The following SNX3 variants were observed in gnomAD, a reference collection of about 807,000 sequenced individuals.
The protein encoded by SNX3 is sorting nexin-3.
A neutral mutation model predicts 17.7 loss-of-function variants in SNX3; 5 were observed. The ratio of observed to expected loss-of-function variants is 0.28; its 90% CI spans 0.15 to 0.59. The LOEUF (loss-of-function observed/expected upper bound fraction) is 0.59. Among genes scored for constraint, SNX3 ranks in the 20% least tolerant of loss-of-function variants. SNX3 has a pLI of 0.88. For synonymous variants in SNX3, 91 were observed against 76.5 expected (o/e 1.19, Z -0.99); for missense variants, 132 against 206.8 (o/e 0.64, Z 2.22).
intron 1 of SNX3, among the ~76,000 whole-genome samples, chr6:108,249,417 T>C (rs927919686): frequency 4.6e-5 from 7 of 152,020 alleles, no homozygotes; most frequent in African/African-American, 1.7e-4. Flanking sequence ...CGAGACTCTG[T>C]CTCAAAAAAA....
chr6:108,218,507 T>G (rs1383499636), intron 2 of SNX3, among the ~76,000 whole-genome samples: 1 of 152,182 alleles, frequency 6.6e-6, no homozygotes, highest in Non-Finnish European at 1.5e-5. Context: ...GACCCAGCAA[T>G]GTACTGGTAG....
intron 1 of SNX3, among the ~76,000 whole-genome samples, chr6:108,224,548 G>C (rs1774919036): frequency 1.3e-5 from 2 of 152,162 alleles, no homozygotes; most frequent in South Asian, 4.1e-4. Flanking sequence ...CCAAAGTGCT[G>C]GGATTACAGG....
At chr6:108,224,370 G>A (rs1408241534) in intron 1 of SNX3, among the ~76,000 whole-genome samples, 5 of 151,954 alleles carry the variant, frequency 3.3e-5, no homozygotes, top group Admixed American at 1.3e-4. Context: ...GATCTCCGCC[G>A]CCTGGGTTCA....
rs114168711 is a variant in SNX3 at position 108,219,551 on chromosome 6, T to C, written c.258+3399A>G. ...TGAGACCAGGAGTTGGAGGATATTATAGTATGCTATGATCACGCCACCGCA... is the reference window on the plus strand; with the variant it reads ...TGAGACCAGGAGTTGGAGGATATTACAGTATGCTATGATCACGCCACCGCA... On this transcript the variant is annotated intron_variant, in intron 2 of 3. Coordinates refer to ENST00000230085, the MANE Select transcript of SNX3 (RefSeq NM_003795.6). Among the ~76,000 whole-genome samples, 1,269 of 152,314 alleles carry C rather than the reference T, an allele frequency of 8.3e-3. 25 individuals carry two copies. Among genetic ancestry groups the C allele is most frequent in the African/African-American group, 0.029 (1,210 of 41,564 alleles).
At chr6:108,236,206 G>A (rs957272748) in intron 1 of SNX3, among the ~76,000 whole-genome samples, 9 of 151,760 alleles carry the variant, frequency 5.9e-5, no homozygotes, top group Admixed American at 2.6e-4. Flanking sequence ...AGTTTTGGCC[G>A]GGCACGATGG....
At chr6:108,221,266 CTTTG>C (rs1458285856) in intron 2 of SNX3, among the ~76,000 whole-genome samples, 1 of 150,726 alleles carries the variant, frequency 6.6e-6, no homozygotes, top group Non-Finnish European at 1.5e-5. Flanking sequence ...CTTAGTTTAG[CTTTG>C]TTTTTTTTTT....
chr6:108,213,256 C>T (rs988187767), intron 3 of SNX3, among the ~76,000 whole-genome samples: 1 of 151,944 alleles, frequency 6.6e-6, no homozygotes, highest in Non-Finnish European at 1.5e-5. Flanking sequence ...CAATAAAAGC[C>T]CAAAATACTA....
At chr6:108,253,848 G>A (rs993786028) in intron 1 of SNX3, among the ~76,000 whole-genome samples, 7 of 152,162 alleles carry the variant, frequency 4.6e-5, no homozygotes, top group Non-Finnish European at 7.4e-5. Context: ...ACTGCCGGCC[G>A]GGCTTGGTGG....
At chr6:108,258,659 G>A (rs972771859) in intron 1 of SNX3, among the ~76,000 whole-genome samples, 1 of 151,664 alleles carries the variant, frequency 6.6e-6, no homozygotes, top group Non-Finnish European at 1.5e-5. Flanking sequence ...TCAGGGATGC[G>A]CGCCACCACG....
intron 1 of SNX3, among the ~76,000 whole-genome samples, chr6:108,242,819 C>A (rs1169000706): frequency 6.6e-6 from 1 of 152,170 alleles, no homozygotes; most frequent in Non-Finnish European, 1.5e-5. Flanking sequence ...TCCCTGAGAT[C>A]AAAGAGATTT....
chr6:108,237,120 A>C (rs554638273), intron 1 of SNX3, among the ~76,000 whole-genome samples: 1 of 152,358 alleles, frequency 6.6e-6, no homozygotes, highest in African/African-American at 2.4e-5. Context: ...TTCAATACAT[A>C]ATCAGCTTAG....
chr6:108,252,305 G>GA (rs1775889449), intron 1 of SNX3: 1 of 156,534 alleles, frequency 6.4e-6, no homozygotes, highest in East Asian at 1.9e-4. Flanking sequence ...ATTTCAAGCA[G>GA]AAACAAGAAG....
chr6:108,239,786 A>G (rs1473539979), intron 1 of SNX3, among the ~76,000 whole-genome samples: 2 of 152,234 alleles, frequency 1.3e-5, no homozygotes, highest in Admixed American at 6.5e-5. Context: ...TAAACCTTTA[A>G]AACTCTACTA....
intron 1 of SNX3, among the ~76,000 whole-genome samples, chr6:108,231,728 G>C (rs759135968): frequency 6.6e-6 from 1 of 152,078 alleles, no homozygotes; most frequent in Non-Finnish European, 1.5e-5. Flanking sequence ...AATTTGCCTA[G>C]CTAATTCGAA....
chr6:108,251,183 AAATT>A (rs1775845862), intron 1 of SNX3, among the ~76,000 whole-genome samples: 1 of 152,156 alleles, frequency 6.6e-6, no homozygotes, highest in South Asian at 2.1e-4. Flanking sequence ...CAACTTAACA[AAATT>A]AATTATCATG....
rs1051447312 is a variant in SNX3 at position 108,211,458 on chromosome 6, G to C, written c.*691C>G. The C allele has an allele frequency of 4.6e-5, 7 of 152,406 alleles. No individual in the cohort carries two copies. The highest frequency in any genetic ancestry group is 3.3e-4 in the Admixed American group (5 of 15,276). 9.4% of individuals were successfully genotyped at this position (152,406 alleles called of 1,614,324 possible). ...ATTAGTAAATAATCCCTCTCAACAA[G>C]TGACTTAAGTAGTCACTCATAGAGA... On this transcript the variant is annotated 3_prime_UTR_variant, in exon 4 of 4. Transcript: ENST00000230085.
intron 1 of SNX3, among the ~76,000 whole-genome samples, chr6:108,225,021 G>A (rs1774932161): frequency 6.6e-6 from 1 of 152,202 alleles, no homozygotes. Context: ...GGTGGCTCAT[G>A]ACTGTAATCC....
At chr6:108,224,780 T>A (rs1315858024) in intron 1 of SNX3, among the ~76,000 whole-genome samples, 3 of 152,162 alleles carry the variant, frequency 2.0e-5, no homozygotes, top group Non-Finnish European at 1.5e-5. Flanking sequence ...ACCAAGCTCA[T>A]AAACCCAGAG....
At chr6:108,223,315 T>A (rs1406062069) in intron 1 of SNX3, among the ~76,000 whole-genome samples, 1 of 150,868 alleles carries the variant, frequency 6.6e-6, no homozygotes, top group Non-Finnish European at 1.5e-5. Context: ...ATTTTTGTAT[T>A]TTTGTAGAGA....
Sources: gnomAD v4.1 joint callset for allele counts (sites outside exome capture counted in the v4.1 genomes callset) on GRCh38, gnomAD v4.1.1 for gene constraint, MANE v1.5 for transcripts, NCBI Gene and HGNC (gene_info 2026-07-23, HGNC 2026-07-21) for gene names.